PDE7B: variants seen among roughly 807,000 people sequenced by gnomAD.
The protein encoded by PDE7B is 3',5'-cyclic-AMP phosphodiesterase 7B.
PDE7B carries 29 observed loss-of-function variants against 56.2 expected under a neutral mutation model. The ratio of observed to expected loss-of-function variants is 0.52; its 90% CI spans 0.38 to 0.70. The LOEUF (loss-of-function observed/expected upper bound fraction) is 0.70, where lower values mean the gene tolerates loss of function less well. Among genes scored for constraint, PDE7B ranks in the 30% least tolerant of loss-of-function variants. PDE7B has a pLI of 0.00. For synonymous variants in PDE7B, 197 were observed against 196.9 expected (o/e 1.00, Z 0.00); for missense variants, 490 against 565.0 (o/e 0.87, Z 1.35).
At chr6:136,164,126 A>AG (rs1168607651) in intron 8 of PDE7B, among the ~76,000 whole-genome samples, 1 of 152,172 alleles carries the variant, frequency 6.6e-6, no homozygotes, top group Non-Finnish European at 1.5e-5. Flanking sequence ...TAATTTATAA[A>AG]GGAAAGAGGT....
chr6:135,869,883 A>C (rs1387793617), intron 1 of PDE7B, among the ~76,000 whole-genome samples: 1 of 152,184 alleles, frequency 6.6e-6, no homozygotes, highest in African/African-American at 2.4e-5. Context: ...TTTGGAGCAA[A>C]ATGAGGTGAT....
intron 2 of PDE7B, chr6:136,037,452 G>A: frequency 1.0e-6 from 1 of 985,412 alleles, no homozygotes; most frequent in Non-Finnish European, 1.2e-6. Context: ...AAGGGGGAGG[G>A]ATGTGGAGAA....
rs200105090 is a variant in PDE7B at position 135,916,219 on chromosome 6, TTTG to T, written c.22-31228_22-31226del. ...CACGTGCTGCCACAGTTTCTTCTGT[TTTG>T]TTGTTGTTGTTGTTGTGTTAAGTTT... On this transcript the variant is annotated intron_variant, in intron 1 of 12. Coordinates refer to ENST00000308191, the MANE Select transcript of PDE7B (RefSeq NM_018945.4). Among the ~76,000 whole-genome samples, 12 of 148,522 alleles carry T rather than the reference TTTG, an allele frequency of 8.1e-5. No individual in the cohort carries two copies. In the East Asian group the frequency reaches 1.2e-3, roughly 14 times the overall value.
At chr6:136,031,245 G>T (rs1247401500) in intron 2 of PDE7B, among the ~76,000 whole-genome samples, 1 of 152,198 alleles carries the variant, frequency 6.6e-6, no homozygotes. Context: ...TCAGAGTGTG[G>T]TCATGACCAA....
chr6:135,934,729 CA>C (rs1273694326), intron 1 of PDE7B, among the ~76,000 whole-genome samples: 952 of 46,208 alleles, frequency 0.021, 8 homozygotes, highest in East Asian at 0.045. Context: ...AACTCTGTCT[CA>C]AAAAAAAAAA....
At chr6:136,028,090 C>T (rs927558914) in intron 2 of PDE7B, among the ~76,000 whole-genome samples, 9 of 152,094 alleles carry the variant, frequency 5.9e-5, no homozygotes, top group South Asian at 2.1e-4. Flanking sequence ...AAGCACTTAG[C>T]GTAGGGCAGG....
At chr6:135,904,422 G>C (rs1776061114) in intron 1 of PDE7B, among the ~76,000 whole-genome samples, 1 of 152,062 alleles carries the variant, frequency 6.6e-6, no homozygotes, top group South Asian at 2.1e-4. Context: ...TTATGTACTT[G>C]CTCTTGCAAA....
intron 2 of PDE7B, chr6:136,012,808 A>G (rs1775915298): frequency 6.6e-6 from 1 of 152,232 alleles, no homozygotes; most frequent in Admixed American, 6.5e-5. Flanking sequence ...CTAGTTAAAG[A>G]GAGTGTTCTG....
chr6:136,029,296 G>GAA (rs1303687877), intron 2 of PDE7B, among the ~76,000 whole-genome samples: 1 of 150,582 alleles, frequency 6.6e-6, no homozygotes, highest in Non-Finnish European at 1.5e-5. Flanking sequence ...TTGAAAGCAG[G>GAA]AAAAAAAAAG....
intron 1 of PDE7B, among the ~76,000 whole-genome samples, chr6:135,877,683 G>T (rs1225382169): frequency 2.0e-5 from 3 of 149,822 alleles, no homozygotes; most frequent in Non-Finnish European, 3.0e-5. Context: ...CTCAGAAGCA[G>T]ATCCTGAGAC....
At chr6:135,964,076 T>G (rs1774951580) in intron 2 of PDE7B, among the ~76,000 whole-genome samples, 2 of 152,078 alleles carry the variant, frequency 1.3e-5, no homozygotes, top group Admixed American at 6.5e-5. Flanking sequence ...CACTTGTTTT[T>G]AACATAAAAA....
At chr6:136,138,649 G>C (rs573951568) in intron 3 of PDE7B, among the ~76,000 whole-genome samples, 1 of 152,180 alleles carries the variant, frequency 6.6e-6, no homozygotes, top group African/African-American at 2.4e-5. Context: ...TGTAGCATTG[G>C]TTCTGAATCA....
chr6:136,108,393 C>A (rs1163804781), intron 2 of PDE7B, among the ~76,000 whole-genome samples: 1 of 152,050 alleles, frequency 6.6e-6, no homozygotes, highest in Non-Finnish European at 1.5e-5. Context: ...AGCTACAATG[C>A]AACACCCATT....
intron 1 of PDE7B, among the ~76,000 whole-genome samples, chr6:135,918,492 A>G (rs2128194997): frequency 6.6e-6 from 1 of 152,336 alleles, no homozygotes; most frequent in Middle Eastern, 3.4e-3. Flanking sequence ...ATCTGGTGTC[A>G]TCTCTGAAAC....
chr6:136,135,167 C>G (rs1778191293), intron 3 of PDE7B, among the ~76,000 whole-genome samples: 1 of 152,036 alleles, frequency 6.6e-6, no homozygotes, highest in African/African-American at 2.4e-5. Context: ...ACATTCTATT[C>G]AAGACCTGAG....
chr6:136,114,651 A>T (rs533485191), intron 3 of PDE7B, among the ~76,000 whole-genome samples: 29 of 152,232 alleles, frequency 1.9e-4, no homozygotes, highest in African/African-American at 6.3e-4. Context: ...TCTGAACTAA[A>T]ATGTCATTGG....
chr6:135,855,063 C>G (rs1358626424), intron 1 of PDE7B, among the ~76,000 whole-genome samples: 1 of 152,174 alleles, frequency 6.6e-6, no homozygotes, highest in Non-Finnish European at 1.5e-5. Context: ...GTGGTTCATT[C>G]AGGCTCTAAT....
rs35447371 is a variant in PDE7B at position 136,189,593 on chromosome 6, CA to C, written c.1127-2014del. On this transcript the variant is annotated intron_variant, in intron 12 of 12. Coordinates refer to ENST00000308191, the MANE Select transcript of PDE7B (RefSeq NM_018945.4). ...CTGTTAAAAAATTAATTAATTAAAA[CA>C]AAAAAAGGTATTAAATCAAATGAAG... Among the ~76,000 whole-genome samples, 240 of 151,664 alleles carry C rather than the reference CA, an allele frequency of 1.6e-3. 2 individuals carry two copies. Among genetic ancestry groups the C allele is most frequent in the African/African-American group, 5.6e-3 (234 of 41,420 alleles).
chr6:136,136,195 CTAAT>C (rs1011477436), intron 3 of PDE7B, among the ~76,000 whole-genome samples: 1 of 152,062 alleles, frequency 6.6e-6, no homozygotes, highest in Non-Finnish European at 1.5e-5. Flanking sequence ...CACTGTCAAA[CTAAT>C]TAACAGTTTC....
Sources: allele counts gnomAD v4.1 joint callset (sites outside exome capture counted in the v4.1 genomes callset), GRCh38; gene constraint gnomAD v4.1.1; transcripts MANE v1.5; gene names NCBI Gene and HGNC (gene_info 2026-07-23, HGNC 2026-07-21).